The following CNTN1 variants were observed in gnomAD, a reference collection of about 807,000 sequenced individuals.
CNTN1 encodes the protein contactin 1, also known as contactin-1.
In CNTN1, 38 loss-of-function variants were observed where a neutral mutation model predicts 126.4. That is an observed-to-expected ratio of 0.30 (90% CI 0.23 to 0.39). The LOEUF is 0.39. CNTN1 is among the 10% of genes least tolerant of loss of function. The probability of loss-of-function intolerance (pLI) is 1.00; values close to 1 mark genes in which losing one functional copy is unlikely to be tolerated. For synonymous variants in CNTN1, 413 were observed against 422.6 expected (o/e 0.98, Z 0.28); for missense variants, 1,009 against 1,248.4 (o/e 0.81, Z 2.89).
intron 1 of CNTN1, among the ~76,000 whole-genome samples, chr12:40,816,270 C>T (rs1772574851): frequency 6.6e-6 from 1 of 152,106 alleles, no homozygotes; most frequent in Admixed American, 6.5e-5. Flanking sequence ...GCTGTGAATC[C>T]ATCTGGTCCT....
intron 1 of CNTN1, among the ~76,000 whole-genome samples, chr12:40,744,322 A>G (rs1303837990): frequency 6.6e-6 from 1 of 151,974 alleles, no homozygotes; most frequent in Admixed American, 6.6e-5. Flanking sequence ...AAATAAAAGA[A>G]CAAAACAAAA....
At chr12:40,773,696 C>CATATATATATATATATATACACAT (rs1565716116) in intron 1 of CNTN1, among the ~76,000 whole-genome samples, 36 of 19,784 alleles carry the variant, frequency 1.8e-3, no homozygotes, top group African/African-American at 2.6e-3. Flanking sequence ...TATATATACA[C>CATATATATATATATATATACACAT]ATATATATAT....
chr12:40,971,901 T>C (rs1947525364), intron 15 of CNTN1: 2 of 1,049,352 alleles, frequency 1.9e-6, no homozygotes, highest in South Asian at 3.2e-5. Context: ...GTTTGATTTA[T>C]TCAAGCAGGT....
At chr12:40,799,004 C>T (rs201496768) in intron 1 of CNTN1, among the ~76,000 whole-genome samples, 1 of 139,268 alleles carries the variant, frequency 7.2e-6, no homozygotes. Flanking sequence ...TATGTATATA[C>T]ATAAAGATCA....
intron 3 of CNTN1, among the ~76,000 whole-genome samples, chr12:40,910,571 A>G (rs555597918): frequency 2.6e-4 from 39 of 152,324 alleles, no homozygotes; most frequent in South Asian, 8.3e-4. Flanking sequence ...GCCTACTTCA[A>G]CTACCAAACA....
At chr12:40,776,970 A>T (rs1404942834) in intron 1 of CNTN1, among the ~76,000 whole-genome samples, 4 of 151,570 alleles carry the variant, frequency 2.6e-5, no homozygotes, top group African/African-American at 9.7e-5. Flanking sequence ...CCAGTCTTAA[A>T]TTCTTCCCAC....
chr12:40,877,880 C>T (rs1334784498), intron 1 of CNTN1, among the ~76,000 whole-genome samples: 3 of 151,962 alleles, frequency 2.0e-5, no homozygotes, highest in East Asian at 1.9e-4. Flanking sequence ...TCCACTTCTG[C>T]CTATCTGTCC....
chr12:41,034,653 T>A (rs921843909), intron 23 of CNTN1, among the ~76,000 whole-genome samples: 2 of 152,216 alleles, frequency 1.3e-5, no homozygotes, highest in African/African-American at 2.4e-5. Flanking sequence ...TCAATTTGAG[T>A]ATTCAAGTAT....
At chr12:40,858,049 G>T (rs1233385390) in intron 1 of CNTN1, among the ~76,000 whole-genome samples, 4 of 152,156 alleles carry the variant, frequency 2.6e-5, no homozygotes, top group Admixed American at 2.0e-4. Flanking sequence ...GTCAAGTTTG[G>T]CTGGGCTGTG....
At chr12:40,706,161 C>T (rs994603517) in intron 1 of CNTN1, among the ~76,000 whole-genome samples, 4 of 151,776 alleles carry the variant, frequency 2.6e-5, no homozygotes, top group African/African-American at 9.7e-5. Flanking sequence ...TACATGTGCA[C>T]AATGTGCAGG....
intron 1 of CNTN1, among the ~76,000 whole-genome samples, chr12:40,848,658 A>AT (rs955869538): frequency 2.6e-5 from 4 of 151,894 alleles, no homozygotes; most frequent in African/African-American, 9.7e-5. Flanking sequence ...TGCTCTTTTG[A>AT]TTTTTTTTCA....
intron 15 of CNTN1, among the ~76,000 whole-genome samples, chr12:40,975,047 A>G (rs1452972407): frequency 1.3e-5 from 2 of 151,574 alleles, no homozygotes; most frequent in Non-Finnish European, 2.9e-5. Flanking sequence ...TTGAAAATAG[A>G]TGTTTTCTCA....
chr12:40,862,401 G>A (rs1266645435), intron 1 of CNTN1, among the ~76,000 whole-genome samples: 3 of 152,074 alleles, frequency 2.0e-5, no homozygotes, highest in Non-Finnish European at 2.9e-5. Flanking sequence ...CTTAAAATGT[G>A]GGTTTCCCTT....
intron 3 of CNTN1, among the ~76,000 whole-genome samples, chr12:40,916,243 C>A (rs1433263714): frequency 6.6e-6 from 1 of 152,026 alleles, no homozygotes. Context: ...ATATTGATTT[C>A]TCTACTTGTC....
At chr12:40,981,474 T>A (rs532927667) in intron 16 of CNTN1, among the ~76,000 whole-genome samples, 37 of 152,232 alleles carry the variant, frequency 2.4e-4, no homozygotes, top group African/African-American at 8.7e-4. Context: ...AAAAACCACA[T>A]TGATCATAAA....
At chr12:40,878,158 C>CG (rs1293559071) in intron 1 of CNTN1, among the ~76,000 whole-genome samples, 7 of 151,618 alleles carry the variant, frequency 4.6e-5, no homozygotes, top group African/African-American at 1.7e-4. Flanking sequence ...CCACCAAGCC[C>CG]GGCTAATGTT....
intron 1 of CNTN1, among the ~76,000 whole-genome samples, chr12:40,889,159 T>G (rs1944157273): frequency 6.6e-6 from 1 of 152,242 alleles, no homozygotes; most frequent in Non-Finnish European, 1.5e-5. Context: ...GTATTTATAG[T>G]GGGAGGGAGA....
chr12:40,946,772 T>G (rs1946448265), intron 14 of CNTN1, among the ~76,000 whole-genome samples: 1 of 152,134 alleles, frequency 6.6e-6, no homozygotes, highest in Admixed American at 6.6e-5. Flanking sequence ...AATAATTAAG[T>G]ATGCACTGAT....
At chr12:40,829,090 A>C (rs1592132570) in intron 1 of CNTN1, among the ~76,000 whole-genome samples, 1 of 152,216 alleles carries the variant, frequency 6.6e-6, no homozygotes, top group East Asian at 1.9e-4. Flanking sequence ...TATATTTGTC[A>C]GAAGTCATTG....
Sources: allele counts gnomAD v4.1 joint callset (sites outside exome capture counted in the v4.1 genomes callset), GRCh38; gene constraint gnomAD v4.1.1; transcripts MANE v1.5; gene names NCBI Gene and HGNC (gene_info 2026-07-23, HGNC 2026-07-21).